Variants in PAN3 observed in about 807,000 individuals in gnomAD.
PAN3 encodes PAN2-PAN3 deadenylation complex subunit PAN3.
In PAN3, 19 loss-of-function variants were observed where a neutral mutation model predicts 96.2. The ratio of observed to expected loss-of-function variants is 0.20; its 90% CI spans 0.14 to 0.29. PAN3 has a LOEUF of 0.29. PAN3 is among the 10% of genes least tolerant of loss of function. The pLI is 1.00. For synonymous variants in PAN3, 433 were observed against 406.6 expected (o/e 1.06, Z -0.78); for missense variants, 882 against 1,108.1 (o/e 0.80, Z 2.90).
rs1877878041 is a variant in PAN3 at position 28,195,182 on chromosome 13, G to A, written c.691-2003G>A. ...CCCAGCACTTTGGGAGGTGGTGGAT[G>A]GCTTGAGTCCAGGAGTTCCAGACCA... On this transcript the variant is annotated intron_variant, in intron 4 of 18. Transcript: ENST00000380958. Among the ~76,000 whole-genome samples, 3 of 152,042 alleles carry A rather than the reference G, an allele frequency of 2.0e-5. 1 individual carries two copies. The highest frequency in any genetic ancestry group is 1.3e-4 in the Admixed American group (2 of 15,256).
chr13:28,258,942 C>G (rs953101957), intron 7 of PAN3, among the ~76,000 whole-genome samples: 1 of 152,024 alleles, frequency 6.6e-6, no homozygotes, highest in Non-Finnish European at 1.5e-5. Context: ...ATTTGTATTA[C>G]TTCTCATTTG....
chr13:28,279,392 T>C (rs946907182), intron 15 of PAN3, among the ~76,000 whole-genome samples: 1 of 152,180 alleles, frequency 6.6e-6, no homozygotes, highest in Non-Finnish European at 1.5e-5. Flanking sequence ...AAATTAATCT[T>C]TGCAAAACAA....
At position 28,238,796 on chromosome 13, in the gene PAN3, T is replaced by C. The variant is rs181997560; in HGVS notation, c.1001-17496T>C. Among the ~76,000 whole-genome samples the C allele has an allele frequency of 4.8e-3, 725 of 152,272 alleles. 7 individuals carry two copies. The highest frequency in any genetic ancestry group is 7.9e-3 in the Non-Finnish European group (539 of 68,008). On this transcript the variant is annotated intron_variant, in intron 6 of 18. Coordinates refer to ENST00000380958, the MANE Select transcript of PAN3 (RefSeq NM_175854.8). ...CTCTTTAGTTCCTTTTCTTATTTTT[T>C]CCCCTTTTTTTTCATAATAGTGTAT...
chr13:28,285,748 T>C (rs979276817), intron 17 of PAN3, among the ~76,000 whole-genome samples: 12 of 152,200 alleles, frequency 7.9e-5, no homozygotes, highest in Non-Finnish European at 1.5e-4. Context: ...AAATTAAAGT[T>C]TTTTTTCTAA....
chr13:28,233,774 T>G (rs963391212), intron 6 of PAN3, among the ~76,000 whole-genome samples: 8 of 152,278 alleles, frequency 5.3e-5, no homozygotes, highest in African/African-American at 1.9e-4. Context: ...AAATATCAGG[T>G]TTATAGTCTT....
rs1878159217 is a variant in PAN3 at position 28,197,227 on chromosome 13, C to G, written c.733C>G (p.Pro245Ala). 1 of 1,613,414 alleles carries G rather than the reference C, an allele frequency of 6.2e-7. No individual in the cohort carries two copies. Among genetic ancestry groups the G allele is most frequent in the Non-Finnish European group, 8.5e-7 (1 of 1,179,716 alleles). The change falls in exon 5 of 19, where the codon CCG becomes GCG. Residue 245 changes from proline (P) to alanine (A), a missense_variant. By Grantham distance (27) the Pro-to-Ala change is conservative. Around this residue, in one of 3 missense-constraint regions of PAN3, gnomAD observed 442 missense variants for 422.8 expected, o/e 1.05. Coordinates refer to ENST00000380958, the MANE Select transcript of PAN3 (RefSeq NM_175854.8). The stretch of plus-strand genomic sequence containing the variant: ...GGGGATGCTGGAGGAGAGGCTAGTT[C>G]CGATGGGATCAAAGGCACGAAAAGC... ...RLGMLEERLV[P>A]MGSKARKAKN...
intron 6 of PAN3, among the ~76,000 whole-genome samples, chr13:28,247,934 T>C (rs747250894): frequency 7.2e-5 from 11 of 152,208 alleles, no homozygotes; most frequent in Non-Finnish European, 1.0e-4. Context: ...AATTTTGTAT[T>C]GTTTTTTCTG....
chr13:28,146,943 A>G (rs1177395195), intron 1 of PAN3, among the ~76,000 whole-genome samples: 1 of 152,082 alleles, frequency 6.6e-6, no homozygotes, highest in African/African-American at 2.4e-5. Context: ...AGATCGTGCC[A>G]CTGCATTCCA....
chr13:28,148,677 A>G (rs1870984105), intron 1 of PAN3, among the ~76,000 whole-genome samples: 1 of 152,152 alleles, frequency 6.6e-6, no homozygotes, highest in South Asian at 2.1e-4. Flanking sequence ...TGCCTATACT[A>G]TTATTCATAT....
chr13:28,220,983 AG>A (rs1172517107), intron 6 of PAN3, among the ~76,000 whole-genome samples: 2 of 152,176 alleles, frequency 1.3e-5, no homozygotes, highest in Non-Finnish European at 2.9e-5. Flanking sequence ...CCATAATGAC[AG>A]AACAATTTGG....
chr13:28,166,936 G>A (rs1324392813), intron 1 of PAN3, among the ~76,000 whole-genome samples: 1 of 152,168 alleles, frequency 6.6e-6, no homozygotes, highest in Non-Finnish European at 1.5e-5. Flanking sequence ...TCAAGGCTCT[G>A]CCATTGTGGG....
chr13:28,259,953 A>T (rs1390766158), intron 7 of PAN3, among the ~76,000 whole-genome samples: 1 of 152,166 alleles, frequency 6.6e-6, no homozygotes. Context: ...ATTATTTTTA[A>T]TATGAATTCT....
At chr13:28,233,569 G>A (rs988242974) in intron 6 of PAN3, among the ~76,000 whole-genome samples, 1 of 152,088 alleles carries the variant, frequency 6.6e-6, no homozygotes, top group Non-Finnish European at 1.5e-5. Flanking sequence ...GACCGGCCTG[G>A]AAATTAAGAC....
intron 5 of PAN3, among the ~76,000 whole-genome samples, chr13:28,206,761 T>G (rs927357683): frequency 6.6e-6 from 1 of 151,880 alleles, no homozygotes; most frequent in African/African-American, 2.4e-5. Flanking sequence ...GTAAGACTTC[T>G]TGGCCTTTGT....
chr13:28,172,545 G>A (rs1874444788), intron 1 of PAN3, among the ~76,000 whole-genome samples: 2 of 152,138 alleles, frequency 1.3e-5, no homozygotes, highest in Admixed American at 1.3e-4. Context: ...AGAGGATAGT[G>A]TCATCCCTGT....
rs1000718881 is a variant in PAN3 at position 28,141,471 on chromosome 13, T to C, written c.430+2384T>C. The stretch of plus-strand genomic sequence containing the variant: ...TTCTTTTTCTTTTTTTCTTTTTTTT[T>C]TTTTTTTTTTTTTGAGACGGAGTTT... On this transcript the variant is annotated intron_variant, in intron 1 of 18. Transcript: ENST00000380958. 7.8e-5 allele frequency among the ~76,000 whole-genome samples: 11 copies of C among 140,568 alleles called. No individual in the cohort carries two copies. In the East Asian group the frequency reaches 1.6e-3, roughly 20 times the overall value. 92.2% of individuals were successfully genotyped at this position (140,568 alleles called of 152,430 possible).
intron 12 of PAN3, 146 bp from the exon 13 acceptor site, chr13:28,270,555 T>TTA (rs1453385174): frequency 1.4e-6 from 1 of 711,458 alleles, no homozygotes; most frequent in Non-Finnish European, 2.1e-6. Context: ...TAAACTTAAA[T>TTA]TACACACATA....
chr13:28,197,302 A>G lies in PAN3; in HGVS notation c.808A>G (p.Ile270Val), dbSNP rs374150030. Residue 270 changes from isoleucine to valine, a missense_variant, in exon 5 of 19, where the codon ATC becomes GTC. Coordinates refer to ENST00000380958, the MANE Select transcript of PAN3 (RefSeq NM_175854.8). ...LADRCKSGVP[I>V]NMVWWNRVTE... ...TGACAGGTGTAAATCAGGAGTACCC[A>G]TCAATATGGTTTGGTGGAACAGAGT... The G allele has an allele frequency of 2.0e-5, 32 of 1,611,324 alleles. No homozygotes were observed. The highest frequency in any genetic ancestry group is 2.7e-5 in the Non-Finnish European group (32 of 1,178,688).
intron 1 of PAN3, among the ~76,000 whole-genome samples, chr13:28,146,997 A>G (rs996910442): frequency 6.6e-6 from 1 of 152,178 alleles, no homozygotes; most frequent in Non-Finnish European, 1.5e-5. Flanking sequence ...AAAAAGGAAA[A>G]GAAAAAAATA....
Sources: gnomAD v4.1 joint callset for allele counts (sites outside exome capture counted in the v4.1 genomes callset) on GRCh38, gnomAD v4.1.1 for gene constraint, gnomAD v4.1.1 regional missense constraint, MANE v1.5 for transcripts, NCBI Gene and HGNC (gene_info 2026-07-23, HGNC 2026-07-21) for gene names.